The following UGT1A9 variants were observed in gnomAD, a reference collection of about 807,000 sequenced individuals.
UGT1A9 encodes the protein UDP-glucuronosyltransferase 1A9.
Under a neutral mutation model 45.0 loss-of-function variants are expected in UGT1A9, and 35 were observed. That is an observed-to-expected ratio of 0.78 (90% CI 0.59 to 1.03). The LOEUF (loss-of-function observed/expected upper bound fraction) is 1.03. Ranked by LOEUF, UGT1A9 falls within the 50% of genes least tolerant of loss-of-function variation. The pLI, the probability that UGT1A9 is intolerant of heterozygous loss-of-function variation, is 0.00. For missense variants in UGT1A9, 687 were observed against 666.6 expected, an observed-to-expected ratio of 1.03 and a Z score of -0.34; for synonymous variants, 278 against 250.6, an observed-to-expected ratio of 1.11 and a Z score of -1.03.
intron 1 of UGT1A9, among the ~76,000 whole-genome samples, chr2:233,696,821 G>A (rs2075360354): frequency 6.6e-6 from 1 of 152,138 alleles, no homozygotes; most frequent in Admixed American, 6.5e-5. Flanking sequence ...TTTATTGAGA[G>A]TGTGTATCAT....
intron 1 of UGT1A9, among the ~76,000 whole-genome samples, chr2:233,762,105 C>G (rs879435361): frequency 5.9e-5 from 9 of 151,972 alleles, no homozygotes; most frequent in African/African-American, 2.2e-4. Context: ...GTTGATTGTC[C>G]GCTTCACATC....
intron 1 of UGT1A9, among the ~76,000 whole-genome samples, chr2:233,677,223 T>C (rs959002389): frequency 5.3e-5 from 8 of 152,218 alleles, no homozygotes; most frequent in African/African-American, 1.9e-4. Flanking sequence ...TAGTTTTCAA[T>C]GTACAGTCTT....
intron 1 of UGT1A9, among the ~76,000 whole-genome samples, chr2:233,677,781 G>A (rs1055229293): frequency 6.6e-6 from 1 of 151,916 alleles, no homozygotes; most frequent in East Asian, 1.9e-4. Context: ...ATTTTGCAAA[G>A]AACTTAAAAC....
Position 233,724,954 on chromosome 2 carries a change from C to T in UGT1A9, c.856-42080C>T, listed in dbSNP as rs544768388. Among the ~76,000 whole-genome samples, 7 of 144,024 alleles carry T rather than the reference C, an allele frequency of 4.9e-5. No homozygotes were observed. In the South Asian group the frequency reaches 7.3e-4, roughly 15 times the overall value. 94.5% of individuals were successfully genotyped at this position (144,024 alleles called of 152,430 possible). Reference sequence around the variant, plus strand: ...GACTCCGTCTGCAATCCCGGCACCTCGGGAGGCCGAGGTTGGCGGATCACT... The same window carrying T: ...GACTCCGTCTGCAATCCCGGCACCTTGGGAGGCCGAGGTTGGCGGATCACT... On this transcript the variant is annotated intron_variant, in intron 1 of 4. Transcript: ENST00000354728.
In UGT1A9 at chr2:233,672,430, G is replaced by A. The variant is rs766064889; in HGVS notation, c.496G>A (p.Val166Met). The change falls in exon 1 of 5, where the codon GTG (valine) becomes ATG (methionine). Residue 166 changes from valine (V) to methionine (M), a missense_variant. Transcript: ENST00000354728. The stretch of plus-strand genomic sequence containing the variant: ...TGCCAAATATTTCTCCCTCCCCTCC[G>A]TGGTCTTCGCCAGGGGAATACTTTG... Reference protein sequence around the residue: ...IVAKYFSLPSVVFARGILCHY... With the variant: ...IVAKYFSLPSMVFARGILCHY... The A allele has an allele frequency of 1.7e-5, 28 of 1,613,842 alleles. No homozygotes were observed. In the East Asian group the frequency reaches 3.6e-4, roughly 21 times the overall value.
chr2:233,725,586 A>C (rs1194596370), intron 1 of UGT1A9, among the ~76,000 whole-genome samples: 1 of 152,166 alleles, frequency 6.6e-6, no homozygotes, highest in Non-Finnish European at 1.5e-5. Flanking sequence ...TTATGACTTA[A>C]CTATTTGACA....
At chr2:233,760,785 G>A in intron 1 of UGT1A9, 1 of 1,613,686 alleles carries the variant, frequency 6.2e-7, no homozygotes. Context: ...ACCTGTCTCT[G>A]CCCACTGTAT....
Position 233,672,324 on chromosome 2 carries a change from C to CA in UGT1A9, c.396dup (p.Leu133IlefsTer11). On this transcript the variant is annotated frameshift_variant, in exon 1 of 5. Coordinates refer to ENST00000354728, the MANE Select transcript of UGT1A9 (RefSeq NM_021027.3). LOFTEE classifies it high-confidence loss of function. ...CAAATTGCAGGAGTTTGTTTAAAGA[C>CA]AAAAAATTAGTAGAATACTTAAAGG... The CA allele has an allele frequency of 6.2e-7, 1 of 1,613,874 alleles. No homozygotes were observed. Among genetic ancestry groups the CA allele is most frequent in the Middle Eastern group, 1.7e-4 (1 of 6,060 alleles).
intron 1 of UGT1A9, among the ~76,000 whole-genome samples, chr2:233,702,287 A>G (rs1181486137): frequency 6.6e-6 from 1 of 152,220 alleles, no homozygotes. Context: ...CCTTTAGCAT[A>G]AAGAGTTTTG....
At chr2:233,713,855 T>C in intron 1 of UGT1A9, 1 of 1,613,968 alleles carries the variant, frequency 6.2e-7, no homozygotes, top group African/African-American at 1.3e-5. Context: ...AGCCACTATC[T>C]CAGGTCTGTA....
intron 1 of UGT1A9, chr2:233,743,606 A>C (rs1409222712): frequency 7.3e-7 from 1 of 1,367,154 alleles, no homozygotes; most frequent in African/African-American, 1.5e-5. Context: ...CTGGCCGCCG[A>C]AGAACTCCCT....
intron 1 of UGT1A9, chr2:233,761,147 C>T (rs1264463667): frequency 1.4e-5 from 23 of 1,614,204 alleles, no homozygotes; most frequent in Non-Finnish European, 1.8e-5. Context: ...AATCCACTAT[C>T]CCAGGTGTGT....
chr2:233,752,468 T>C (rs1694980469), intron 1 of UGT1A9: 1 of 152,362 alleles, frequency 6.6e-6, no homozygotes, highest in Admixed American at 6.5e-5. Flanking sequence ...TATAGGCCTC[T>C]AGCAGTGTTA....
chr2:233,688,950 A>G (rs1267065025), intron 1 of UGT1A9, among the ~76,000 whole-genome samples: 1 of 152,154 alleles, frequency 6.6e-6, no homozygotes, highest in Non-Finnish European at 1.5e-5. Context: ...ATGAAGCCAA[A>G]TGTTTGGAAT....
chr2:233,728,748 G>A (rs2077747178), intron 1 of UGT1A9, among the ~76,000 whole-genome samples: 1 of 152,206 alleles, frequency 6.6e-6, no homozygotes, highest in African/African-American at 2.4e-5. Flanking sequence ...TAGGGCAATG[G>A]TGACTCCTCA....
intron 1 of UGT1A9, among the ~76,000 whole-genome samples, chr2:233,750,114 G>T (rs1694365231): frequency 6.6e-6 from 1 of 151,914 alleles, no homozygotes; most frequent in South Asian, 2.1e-4. Flanking sequence ...AAGAAGACAG[G>T]AAGATGTGGG....
chr2:233,729,145 G>A (rs564123639), intron 1 of UGT1A9: 2 of 1,613,490 alleles, frequency 1.2e-6, no homozygotes, highest in African/African-American at 1.3e-5. Flanking sequence ...AGGACTCCAG[G>A]TTCCCCTGCC....
intron 4 of UGT1A9, among the ~76,000 whole-genome samples, chr2:233,771,927 C>A (rs1388593829): frequency 6.6e-6 from 1 of 152,006 alleles, no homozygotes; most frequent in African/African-American, 2.4e-5. Context: ...ACAGCCTGGG[C>A]AACACAATAA....
intron 1 of UGT1A9, chr2:233,729,857 C>T: frequency 6.2e-7 from 1 of 1,613,876 alleles, no homozygotes; most frequent in Non-Finnish European, 8.5e-7. Context: ...AGAGAGGTGT[C>T]AGTGGTGGAT....
Sources: allele counts gnomAD v4.1 joint callset (sites outside exome capture counted in the v4.1 genomes callset), GRCh38; gene constraint gnomAD v4.1.1; transcripts MANE v1.5; gene names NCBI Gene and HGNC (gene_info 2026-07-23, HGNC 2026-07-21).